PPM1B: variants seen among roughly 807,000 people sequenced by gnomAD.
PPM1B encodes protein phosphatase, Mg2+/Mn2+ dependent 1B.
PPM1B carries 22 observed loss-of-function variants against 43.0 expected under a neutral mutation model. The observed-to-expected ratio is 0.51, with a 90% CI of 0.37 to 0.73. PPM1B has a LOEUF of 0.73. Ranked by LOEUF, PPM1B falls within the 30% of genes least tolerant of loss-of-function variation. The probability of loss-of-function intolerance (pLI) is 0.00; values close to 1 mark genes in which losing one functional copy is unlikely to be tolerated. For missense variants in PPM1B, 632 were observed against 584.2 expected (o/e 1.08, Z -0.84); for synonymous variants, 217 against 197.9 (o/e 1.10, Z -0.81).
intron 1 of PPM1B, among the ~76,000 whole-genome samples, chr2:44,182,521 A>C (rs908785610): frequency 1.3e-5 from 2 of 152,204 alleles, no homozygotes; most frequent in Admixed American, 1.3e-4. Context: ...TCGGCCTCCC[A>C]AAGTACTGGG....
chr2:44,206,526 C>G (rs977593495), intron 2 of PPM1B, among the ~76,000 whole-genome samples: 3 of 152,050 alleles, frequency 2.0e-5, no homozygotes, highest in Non-Finnish European at 2.9e-5. Context: ...AACTCTCTTT[C>G]AATTAATTTT....
At chr2:44,219,812 G>A (rs1378584600) in intron 5 of PPM1B, among the ~76,000 whole-genome samples, 2 of 151,984 alleles carry the variant, frequency 1.3e-5, no homozygotes, top group Non-Finnish European at 2.9e-5. Context: ...GCATGGTGGC[G>A]CATGTCTGTA....
downstream of PPM1B, chr2:44,233,067 T>C (rs1670514336): frequency 1.4e-5 from 14 of 982,332 alleles, no homozygotes; most frequent in Non-Finnish European, 1.7e-5. Flanking sequence ...CTATTTATAA[T>C]TTGCTTTGAC....
chr2:44,210,100 C>T (rs1248018048), intron 3 of PPM1B, among the ~76,000 whole-genome samples: 3 of 152,038 alleles, frequency 2.0e-5, no homozygotes, highest in Admixed American at 6.5e-5. Context: ...TCTCCCTTTT[C>T]GGGTTAATTA....
At chr2:44,176,324 A>G (rs1667579314) in intron 1 of PPM1B, among the ~76,000 whole-genome samples, 2 of 152,230 alleles carry the variant, frequency 1.3e-5, no homozygotes, top group African/African-American at 4.8e-5. Context: ...TTATGTTTAA[A>G]AAGCTTTCTG....
chr2:44,179,537 C>T (rs190261077), intron 1 of PPM1B, among the ~76,000 whole-genome samples: 2 of 152,096 alleles, frequency 1.3e-5, no homozygotes, highest in East Asian at 3.9e-4. Context: ...TTTATTTTGA[C>T]TTTAATTTTC....
chr2:44,198,161 T>C (rs1668751916), intron 1 of PPM1B, among the ~76,000 whole-genome samples: 1 of 152,066 alleles, frequency 6.6e-6, no homozygotes, highest in African/African-American at 2.4e-5. Flanking sequence ...TTTTATGATT[T>C]TTTGTTTGTT....
intron 1 of PPM1B, among the ~76,000 whole-genome samples, chr2:44,183,715 C>T (rs934084495): frequency 6.6e-5 from 10 of 152,226 alleles, no homozygotes; most frequent in African/African-American, 2.4e-4. Context: ...TGGAATTGGA[C>T]TGCATGATTT....
intron 1 of PPM1B, among the ~76,000 whole-genome samples, chr2:44,194,582 G>A (rs1412622558): frequency 1.3e-5 from 2 of 152,056 alleles, no homozygotes; most frequent in Admixed American, 1.3e-4. Context: ...AATTAGCCAG[G>A]CGTGGTGGCG....
intron 1 of PPM1B, among the ~76,000 whole-genome samples, chr2:44,176,938 G>A (rs918253610): frequency 2.0e-5 from 3 of 152,072 alleles, no homozygotes; most frequent in East Asian, 1.9e-4. Context: ...GCGGCACCAC[G>A]CCCAGCTAAT....
At chr2:44,243,121 G>C (rs10205199) in intron 5 of PPM1B, among the ~76,000 whole-genome samples, 1 of 151,930 alleles carries the variant, frequency 6.6e-6, no homozygotes. Context: ...TTTTTGTTTC[G>C]ATGCCAGCTT....
chr2:44,194,263 C>A (rs1476441507), intron 1 of PPM1B, among the ~76,000 whole-genome samples: 1 of 152,148 alleles, frequency 6.6e-6, no homozygotes. Context: ...ACAGGGATGT[C>A]ATTTGATAGG....
intron 3 of PPM1B, among the ~76,000 whole-genome samples, chr2:44,216,356 C>T (rs1292877968): frequency 6.6e-6 from 1 of 151,930 alleles, no homozygotes; most frequent in Non-Finnish European, 1.5e-5. Context: ...AGGACAGCCC[C>T]CACAACAAAA....
chr2:44,228,804 T>A (rs1422467297), intron 5 of PPM1B, among the ~76,000 whole-genome samples: 1 of 152,160 alleles, frequency 6.6e-6, no homozygotes, highest in Non-Finnish European at 1.5e-5. Context: ...CTGTTTTTTT[T>A]CTTTCTTTGA....
chr2:44,206,875 T>C (rs1054519598), intron 2 of PPM1B, among the ~76,000 whole-genome samples: 3 of 152,144 alleles, frequency 2.0e-5, no homozygotes, highest in African/African-American at 7.2e-5. Flanking sequence ...TTCTTGAATA[T>C]CCATGGTGTA....
intron 1 of PPM1B, among the ~76,000 whole-genome samples, chr2:44,197,349 G>A (rs1212789322): frequency 6.6e-6 from 1 of 152,032 alleles, no homozygotes; most frequent in Non-Finnish European, 1.5e-5. Context: ...GAACTCCTGG[G>A]CCCAAGTGAT....
At chr2:44,187,715 G>C (rs1668190844) in intron 1 of PPM1B, among the ~76,000 whole-genome samples, 1 of 152,130 alleles carries the variant, frequency 6.6e-6, no homozygotes, top group Non-Finnish European at 1.5e-5. Flanking sequence ...ATTTGGTCCA[G>C]CATTGCATTT....
At chr2:44,225,438 C>T (rs573473735) in intron 5 of PPM1B, among the ~76,000 whole-genome samples, 1 of 152,244 alleles carries the variant, frequency 6.6e-6, no homozygotes, top group Non-Finnish European at 1.5e-5. Flanking sequence ...AGTTACATAA[C>T]AGTGTTTGGA....
chr2:44,193,901 A>G (rs1668528869), intron 1 of PPM1B, among the ~76,000 whole-genome samples: 1 of 151,974 alleles, frequency 6.6e-6, no homozygotes, highest in African/African-American at 2.4e-5. Context: ...TTTTATAGAG[A>G]CAGAGTCTCA....
Sources: allele counts gnomAD v4.1 joint callset (sites outside exome capture counted in the v4.1 genomes callset), GRCh38; gene constraint gnomAD v4.1.1; transcripts MANE v1.5; gene names NCBI Gene and HGNC (gene_info 2026-07-23, HGNC 2026-07-21).